The following KYNU variants were observed in gnomAD, a reference collection of about 807,000 sequenced individuals.
KYNU encodes L-kynurenine hydrolase.
KYNU carries 54 observed loss-of-function variants against 59.2 expected under a neutral mutation model. The observed-to-expected ratio is 0.91, with a 90% CI of 0.73 to 1.14. KYNU has a LOEUF of 1.14. Among genes scored for constraint, KYNU ranks in the 50% most tolerant of loss-of-function variants. The pLI, the probability that KYNU is intolerant of heterozygous loss-of-function variation, is 0.00. For synonymous variants in KYNU, 177 were observed against 192.0 expected, an observed-to-expected ratio of 0.92 and a Z score of 0.65; for missense variants, 567 against 554.4, an observed-to-expected ratio of 1.02 and a Z score of -0.23.
At chr2:143,010,832 A>T (rs1234051621) in intron 10 of KYNU, among the ~76,000 whole-genome samples, 23 of 144,704 alleles carry the variant, frequency 1.6e-4, no homozygotes, top group African/African-American at 6.0e-4. Flanking sequence ...TATTTAATAA[A>T]TGGTGCTGGG....
chr2:142,989,061 C>T (rs1323104072), intron 10 of KYNU, among the ~76,000 whole-genome samples: 3 of 151,892 alleles, frequency 2.0e-5, no homozygotes, highest in Non-Finnish European at 2.9e-5. Context: ...ACCCAAAAGC[C>T]TACAATATCA....
intron 10 of KYNU, among the ~76,000 whole-genome samples, chr2:142,986,717 G>GA (rs575504059): frequency 1.5e-3 from 214 of 143,040 alleles, no homozygotes; most frequent in Admixed American, 5.0e-3. Context: ...ATGCTGGGAA[G>GA]AAAAAAAAAA....
chr2:142,954,203 TCTTA>T (rs1447631827), intron 4 of KYNU: 5 of 152,312 alleles, frequency 3.3e-5, no homozygotes, highest in African/African-American at 4.8e-5. Context: ...GTAGTGGATA[TCTTA>T]CTTTTGCATA....
chr2:142,983,785 A>T (rs998610675), intron 8 of KYNU, among the ~76,000 whole-genome samples: 1 of 152,104 alleles, frequency 6.6e-6, no homozygotes, highest in African/African-American at 2.4e-5. Context: ...ACATATTAAC[A>T]TAAGCAAAAT....
chr2:143,001,792 T>C (rs1232492016), intron 10 of KYNU, among the ~76,000 whole-genome samples: 1 of 152,170 alleles, frequency 6.6e-6, no homozygotes, highest in Admixed American at 6.5e-5. Flanking sequence ...TCTAAAATGG[T>C]AGAAAGAATA....
intron 2 of KYNU, among the ~76,000 whole-genome samples, chr2:142,911,514 A>C (rs1002643944): frequency 3.3e-5 from 5 of 151,992 alleles, no homozygotes; most frequent in Non-Finnish European, 5.9e-5. Context: ...AAAGATAGAT[A>C]ATTTTTTTTC....
rs953614365 is a variant in KYNU at position 142,958,741 on chromosome 2, A to G, written c.582+1026A>G. Among the ~76,000 whole-genome samples the G allele has an allele frequency of 1.8e-4, 27 of 152,312 alleles. 1 individual carries two copies. Among genetic ancestry groups the G allele is most frequent in the African/African-American group, 6.0e-4 (25 of 41,586 alleles). On this transcript the variant is annotated intron_variant, in intron 7 of 13. Coordinates refer to ENST00000264170, the MANE Select transcript of KYNU (RefSeq NM_003937.3). ...CATAATCTTGGGACCACTGTTGAGC[A>G]TTACCTAGAACAAGTCAACATGAGA... is the stretch of plus-strand genomic sequence containing the variant.
intron 10 of KYNU, among the ~76,000 whole-genome samples, chr2:142,990,610 A>G (rs1238477608): frequency 2.0e-5 from 3 of 151,822 alleles, no homozygotes; most frequent in African/African-American, 2.4e-5. Flanking sequence ...AATCATACAT[A>G]CTGAAAACCT....
chr2:143,020,535 T>C (rs1345706079), intron 10 of KYNU, among the ~76,000 whole-genome samples: 1 of 152,180 alleles, frequency 6.6e-6, no homozygotes, highest in Non-Finnish European at 1.5e-5. Context: ...TGAGAATTGT[T>C]TGTGGCCTAA....
rs1573750168 is a variant in KYNU at position 142,887,392 on chromosome 2, A to C, written c.169+1856A>C. On this transcript the variant is annotated intron_variant, in intron 2 of 13. Transcript: ENST00000264170. ...CAGCCACTGTAGGAAAGAGTATGGC[A>C]GTTTCCTCAAAAACCAAAGAATAGA... 2.6e-5 allele frequency among the ~76,000 whole-genome samples: 4 copies of C among 152,296 alleles called. No homozygotes were observed. In the South Asian group the frequency reaches 8.3e-4, roughly 32 times the overall value.
chr2:142,912,461 C>T (rs180837501), intron 2 of KYNU, among the ~76,000 whole-genome samples: 1 of 144,176 alleles, frequency 6.9e-6, no homozygotes. Flanking sequence ...CTCACCACAA[C>T]CTCTGCATCC....
chr2:142,971,837 A>C (rs1684732931), intron 8 of KYNU, among the ~76,000 whole-genome samples: 2 of 152,188 alleles, frequency 1.3e-5, no homozygotes, highest in African/African-American at 2.4e-5. Flanking sequence ...AATAACTTAT[A>C]ATGGTTAATT....
chr2:142,911,181 C>G (rs1445153705), intron 2 of KYNU, among the ~76,000 whole-genome samples: 1 of 152,110 alleles, frequency 6.6e-6, no homozygotes, highest in Non-Finnish European at 1.5e-5. Context: ...GATATTGATT[C>G]TTCCAATCCA....
rs1272229882 is a variant in KYNU at position 142,956,262 on chromosome 2, C to A, written c.495C>A (p.Phe165Leu). 2 of 1,597,264 alleles carry A rather than the reference C, an allele frequency of 1.3e-6. No individual in the cohort carries two copies. Among genetic ancestry groups the A allele is most frequent in the Non-Finnish European group, 1.7e-6 (2 of 1,165,294 alleles). The change falls in exon 6 of 14, where the codon TTC becomes TTA. Residue 165 changes from phenylalanine to leucine, a missense_variant. By Grantham distance (22) the Phe-to-Leu change is conservative. Coordinates refer to ENST00000264170, the MANE Select transcript of KYNU (RefSeq NM_003937.3). ...AAATTCTTCTAGAAGCCAAAGCCTT[C>A]CCTTCTGATCATGTAAGGACTTCTT... ...RYKILLEAKA[F>L]PSDHYAIESQ...
rs575229097 is a variant in KYNU, at chr2:142,914,763, A to G, written c.170-3846A>G. 7.9e-5 allele frequency among the ~76,000 whole-genome samples: 12 copies of G among 152,324 alleles called. No homozygotes were observed. In the South Asian group the frequency reaches 2.5e-3, roughly 32 times the overall value. ...GAGCTATGTCCGTATAAGATGGTGA[A>G]CTTTATCAATAAATGTTGTGTGTGT... On this transcript the variant is annotated intron_variant, in intron 2 of 13. Transcript: ENST00000264170.
intron 2 of KYNU, among the ~76,000 whole-genome samples, chr2:142,906,222 G>C (rs1682292750): frequency 6.6e-6 from 1 of 152,180 alleles, no homozygotes; most frequent in Admixed American, 6.5e-5. Flanking sequence ...TACTCAATTT[G>C]CTTTCATCCT....
intron 12 of KYNU, among the ~76,000 whole-genome samples, 163 bp from the exon 13 acceptor site, chr2:143,040,265 A>G (rs1687002914): frequency 6.6e-6 from 1 of 152,122 alleles, no homozygotes; most frequent in African/African-American, 2.4e-5. Context: ...ATAGCAAAGC[A>G]TTTAAAGGAG....
At position 142,954,733 on chromosome 2, in the gene KYNU, GAA is replaced by G. The variant is rs1684107989; in HGVS notation, c.374-76_374-75del. ...CTAAAGACATTAAGAATGATTGAGTGAAGTCTTCCTACTTTGTTTTTTCAGTA... is the reference window on the plus strand; with the variant it reads ...CTAAAGACATTAAGAATGATTGAGTGGTCTTCCTACTTTGTTTTTTCAGTA... On this transcript the variant is annotated intron_variant, in intron 4 of 13. Transcript: ENST00000264170. The G allele has an allele frequency of 4.4e-6, 4 of 905,688 alleles. No individual in the cohort carries two copies. In the East Asian group the frequency reaches 9.7e-5, roughly 22 times the overall value. 56.1% of individuals were successfully genotyped at this position (905,688 alleles called of 1,614,324 possible).
At chr2:142,880,075 A>G (rs1453180091) in intron 1 of KYNU, among the ~76,000 whole-genome samples, 1 of 152,196 alleles carries the variant, frequency 6.6e-6, no homozygotes, top group East Asian at 1.9e-4. Context: ...TCATTATGTC[A>G]AATAATTCAT....
Sources: gnomAD v4.1 joint callset for allele counts (sites outside exome capture counted in the v4.1 genomes callset) on GRCh38, gnomAD v4.1.1 for gene constraint, MANE v1.5 for transcripts, NCBI Gene and HGNC (gene_info 2026-07-23, HGNC 2026-07-21) for gene names.